Variants in OPCML observed in about 807,000 individuals in gnomAD.
The protein encoded by OPCML is opioid binding protein/cell adhesion molecule like, also known as opioid-binding protein/cell adhesion molecule.
OPCML carries 13 observed loss-of-function variants against 37.8 expected under a neutral mutation model. The observed-to-expected ratio is 0.34, with a 90% confidence interval of 0.22 to 0.55. The LOEUF is 0.55. Ranked by LOEUF, OPCML falls within the 20% of genes least tolerant of loss-of-function variation. OPCML has a pLI of 0.91. For missense variants in OPCML, 341 were observed against 435.6 expected (o/e 0.78, Z 1.93); for synonymous variants, 176 against 168.8 (o/e 1.04, Z -0.33).
intron 3 of OPCML, among the ~76,000 whole-genome samples, chr11:132,539,165 G>A (rs1342883016): frequency 1.3e-5 from 2 of 152,208 alleles, no homozygotes; most frequent in Non-Finnish European, 2.9e-5. Context: ...CACTGACGCT[G>A]AAAAGTCATC....
chr11:132,660,681 A>C (rs918952991), intron 2 of OPCML, among the ~76,000 whole-genome samples: 8 of 152,116 alleles, frequency 5.3e-5, no homozygotes, highest in African/African-American at 1.9e-4. Flanking sequence ...CTAATTCTAA[A>C]TGGAGAATGC....
At chr11:132,536,899 C>G (rs2096342220) in intron 3 of OPCML, among the ~76,000 whole-genome samples, 1 of 152,190 alleles carries the variant, frequency 6.6e-6, no homozygotes, top group African/African-American at 2.4e-5. Context: ...TTTAATGTAT[C>G]TGGCTAGAGC....
At chr11:132,446,103 CTTTTTT>C (rs58784534) in intron 4 of OPCML, among the ~76,000 whole-genome samples, 13 of 48,516 alleles carry the variant, frequency 2.7e-4, no homozygotes, top group African/African-American at 8.1e-4. Context: ...CTGCTTGTGT[CTTTTTT>C]TTTTTTTTTT....
intron 4 of OPCML, among the ~76,000 whole-genome samples, chr11:132,480,971 A>C (rs928614584): frequency 2.6e-5 from 4 of 152,190 alleles, no homozygotes; most frequent in African/African-American, 9.7e-5. Flanking sequence ...ATAATGAGCA[A>C]AATAACCAGC....
At chr11:132,796,175 T>A (rs1169017569) in intron 2 of OPCML, among the ~76,000 whole-genome samples, 1 of 152,232 alleles carries the variant, frequency 6.6e-6, no homozygotes, top group Non-Finnish European at 1.5e-5. Context: ...GGTATCTGCA[T>A]GAGGTTCCAG....
At chr11:133,058,086 C>A (rs571194813) in intron 1 of OPCML, among the ~76,000 whole-genome samples, 2 of 152,326 alleles carry the variant, frequency 1.3e-5, no homozygotes, top group Admixed American at 1.3e-4. Flanking sequence ...AGCTTGTTTA[C>A]ATTTGTAAAG....
intron 2 of OPCML, among the ~76,000 whole-genome samples, chr11:132,940,895 T>C (rs375324808): frequency 2.0e-4 from 31 of 152,146 alleles, no homozygotes; most frequent in South Asian, 6.2e-4. Flanking sequence ...AAAGAGAAGA[T>C]GACATGAGCT....
chr11:132,615,139 T>C (rs758124290), intron 3 of OPCML, among the ~76,000 whole-genome samples: 13 of 152,166 alleles, frequency 8.5e-5, no homozygotes, highest in African/African-American at 1.9e-4. Context: ...GCTTACAACA[T>C]GGGATAGAGC....
chr11:133,136,828 C>CGTGT (rs141952561), intron 1 of OPCML, among the ~76,000 whole-genome samples: 6,982 of 126,232 alleles, frequency 0.055, 198 homozygotes, highest in South Asian at 0.068. Flanking sequence ...TCTATGTGCA[C>CGTGT]GTGTGTGTGT....
chr11:132,431,313 A>G (rs1369007459), intron 7 of OPCML, among the ~76,000 whole-genome samples: 9 of 152,180 alleles, frequency 5.9e-5, no homozygotes, highest in Non-Finnish European at 2.9e-5. Context: ...TGTTTTACGC[A>G]TGACTTAGGA....
At chr11:133,259,821 T>C (rs1216387218) in intron 1 of OPCML, among the ~76,000 whole-genome samples, 1 of 152,210 alleles carries the variant, frequency 6.6e-6, no homozygotes, top group Non-Finnish European at 1.5e-5. Context: ...GAACATTTTT[T>C]GTATTTACTC....
intron 2 of OPCML, among the ~76,000 whole-genome samples, chr11:132,924,998 A>T (rs1004040336): frequency 6.6e-6 from 1 of 152,082 alleles, no homozygotes; most frequent in South Asian, 2.1e-4. Context: ...AAAGGTTTCC[A>T]CTGGCATATT....
chr11:132,787,941 T>C (rs57372750), intron 2 of OPCML, among the ~76,000 whole-genome samples: 8,602 of 152,276 alleles, frequency 0.056, 418 homozygotes, highest in African/African-American at 0.13. Context: ...TGTGCAGTGG[T>C]GCAATCTCGG....
intron 2 of OPCML, among the ~76,000 whole-genome samples, chr11:132,727,895 C>G (rs1182341327): frequency 6.6e-6 from 1 of 152,212 alleles, no homozygotes; most frequent in Non-Finnish European, 1.5e-5. Context: ...AGATCCTGAG[C>G]CAGCCCTTGG....
intron 4 of OPCML, among the ~76,000 whole-genome samples, chr11:132,455,751 C>T (rs2096080584): frequency 1.4e-5 from 2 of 141,944 alleles, no homozygotes; most frequent in Non-Finnish European, 3.0e-5. Context: ...TGTCAAAAAC[C>T]TTCTTTGTCA....
At chr11:133,075,362 C>T (rs1289856497) in intron 1 of OPCML, among the ~76,000 whole-genome samples, 1 of 152,204 alleles carries the variant, frequency 6.6e-6, no homozygotes, top group African/African-American at 2.4e-5. Flanking sequence ...AGAGGCTTCT[C>T]CTCAATGAGG....
In OPCML at chr11:133,220,003, T is replaced by A. The variant is rs181047882; in HGVS notation, c.62-276993A>T. On this transcript the variant is annotated intron_variant, in intron 1 of 7. Coordinates refer to ENST00000524381, the MANE Select transcript of OPCML (RefSeq NM_001012393.5). ...TTGCAGTAACATCTTTTCTATTTAA[T>A]GTTAACCTGTGTCCTTGACAGGCTG... is the stretch of plus-strand genomic sequence containing the variant. Among the ~76,000 whole-genome samples, 32 of 152,348 alleles carry A rather than the reference T, an allele frequency of 2.1e-4. 1 individual carries two copies. The highest frequency in any genetic ancestry group is 1.4e-3 in the Admixed American group (22 of 15,306).
At chr11:133,466,255 C>T (rs1178197148) in intron 1 of OPCML, among the ~76,000 whole-genome samples, 1 of 152,142 alleles carries the variant, frequency 6.6e-6, no homozygotes, top group Non-Finnish European at 1.5e-5. Flanking sequence ...GAGAAGTCTG[C>T]TAGAAGATAA....
intron 4 of OPCML, among the ~76,000 whole-genome samples, chr11:132,480,031 C>G (rs1016503785): frequency 1.3e-5 from 2 of 152,282 alleles, no homozygotes; most frequent in African/African-American, 4.8e-5. Context: ...ATGACTTTGA[C>G]GAGCTGAGAG....
Sources: gnomAD v4.1 joint callset for allele counts (sites outside exome capture counted in the v4.1 genomes callset) on GRCh38, gnomAD v4.1.1 for gene constraint, MANE v1.5 for transcripts, NCBI Gene and HGNC (gene_info 2026-07-23, HGNC 2026-07-21) for gene names.